Variants in STEAP4 observed in about 807,000 individuals in gnomAD.
STEAP4 encodes metalloreductase STEAP4.
In STEAP4, 36 loss-of-function variants were observed where a neutral mutation model predicts 43.6. The observed-to-expected ratio is 0.83, with a 90% CI of 0.63 to 1.09. The LOEUF is 1.09. Ranked by LOEUF, STEAP4 falls within the 50% of genes least tolerant of loss-of-function variation. STEAP4 has a pLI of 0.00. For missense variants in STEAP4, 495 were observed against 546.5 expected, an observed-to-expected ratio of 0.91 and a Z score of 0.94; for synonymous variants, 191 against 196.7, an observed-to-expected ratio of 0.97 and a Z score of 0.24.
chr7:88,279,352 A>G lies in STEAP4; in HGVS notation c.*46T>C, dbSNP rs1336051960. 3.8e-6 allele frequency: 6 copies of G among 1,566,442 alleles called. No individual in the cohort carries two copies. Among genetic ancestry groups the G allele is most frequent in the Non-Finnish European group, 5.3e-6 (6 of 1,139,162 alleles). ...AAAACCATAGTTCAGAAATCCAGCT[A>G]AATTGAACTTTGTTTTAAATATTGA... On this transcript the variant is annotated 3_prime_UTR_variant, in exon 5 of 5. Transcript: ENST00000380079.
At chr7:88,285,817 A>G (rs1354791626) in intron 1 of STEAP4, among the ~76,000 whole-genome samples, 2 of 151,874 alleles carry the variant, frequency 1.3e-5, no homozygotes, top group Admixed American at 6.6e-5. Context: ...AATTTTAATG[A>G]ATAAGTTTTA....
Position 88,279,219 on chromosome 7 carries a change from C to T in STEAP4, c.*179G>A. 1 of 609,808 alleles carries T rather than the reference C, an allele frequency of 1.6e-6. No homozygotes were observed. The highest frequency in any genetic ancestry group is 2.0e-5 in the South Asian group (1 of 50,316). The allele number at this position is 609,808 out of a possible 1,614,324, so 37.8% of individuals were successfully genotyped here. ...CACTAACCTGAGATAAAATGGTGTT[C>T]TCTTCCAGTATGTCAGTCAATTTCT... On this transcript the variant is annotated 3_prime_UTR_variant, in exon 5 of 5. Coordinates refer to ENST00000380079, the MANE Select transcript of STEAP4 (RefSeq NM_024636.4).
At chr7:88,284,839 T>G (rs1028604336) in intron 1 of STEAP4, among the ~76,000 whole-genome samples, 4 of 152,190 alleles carry the variant, frequency 2.6e-5, no homozygotes, top group African/African-American at 9.6e-5. Context: ...ATTCAACATT[T>G]ATTCTTGATT....
chr7:88,297,841 A>G (rs1009684277), intron 1 of STEAP4, among the ~76,000 whole-genome samples: 1 of 152,184 alleles, frequency 6.6e-6, no homozygotes, highest in African/African-American at 2.4e-5. Context: ...AGTTGAAAAC[A>G]TTGTGACAGA....
At position 88,278,536 on chromosome 7, in the gene STEAP4, C is replaced by T. The variant is rs1727108423; in HGVS notation, c.*862G>A. 1 of 152,072 alleles carries T rather than the reference C, an allele frequency of 6.6e-6. No individual in the cohort carries two copies. Among genetic ancestry groups the T allele is most frequent in the Non-Finnish European group, 1.5e-5 (1 of 68,016 alleles). The allele number at this position is 152,072 out of a possible 1,614,324, so 9.4% of individuals were successfully genotyped here. On this transcript the variant is annotated 3_prime_UTR_variant, in exon 5 of 5. Transcript: ENST00000380079. ...ATTATAATACCTAAATAATACTTAA[C>T]CTAATATAGTGCAATTTTACAATAT...
chr7:88,294,156 G>A (rs1332223715), intron 1 of STEAP4, among the ~76,000 whole-genome samples: 2 of 151,948 alleles, frequency 1.3e-5, no homozygotes, highest in Admixed American at 1.3e-4. Flanking sequence ...AATCAGAAAT[G>A]CTCTAAAATC....
intron 2 of STEAP4, 98 bp downstream of exon 2, chr7:88,283,716 G>A: frequency 7.9e-7 from 1 of 1,259,842 alleles, no homozygotes; most frequent in Non-Finnish European, 1.1e-6. Context: ...ATATTTAGTG[G>A]GCATTTCATC....
In STEAP4 at chr7:88,276,039, GA is replaced by G. The variant is rs1852508766; in HGVS notation, c.*3358del. The G allele has an allele frequency of 6.6e-6, 1 of 152,176 alleles. No homozygotes were observed. Among genetic ancestry groups the G allele is most frequent in the African/African-American group, 2.4e-5 (1 of 41,442 alleles). 9.4% of individuals were successfully genotyped at this position (152,176 alleles called of 1,614,324 possible). ...CAGTCACGCAGTCTGAATCCAACCT[GA>G]AGTCTGCTTGTCAAGCCATTAGCCT... On this transcript the variant is annotated 3_prime_UTR_variant, in exon 5 of 5. Coordinates refer to ENST00000380079, the MANE Select transcript of STEAP4 (RefSeq NM_024636.4).
chr7:88,300,072 C>A (rs1222075043), intron 1 of STEAP4, among the ~76,000 whole-genome samples: 1 of 152,226 alleles, frequency 6.6e-6, no homozygotes, highest in Non-Finnish European at 1.5e-5. Context: ...TGCTCCATTT[C>A]TGACCTCAGG....
chr7:88,283,849 C>T lies in STEAP4; in HGVS notation c.421G>A (p.Ala141Thr). ...GCATCCAGTGCTCCTGACTGGAGAG[C>T]CCAGGCTGAGATGGTGTTAAATGCT... Reference protein sequence around the residue: ...VKAFNTISAWALQSGALDASR... With the variant: ...VKAFNTISAWTLQSGALDASR... Residue 141 changes from alanine to threonine, a missense_variant, in exon 2 of 5, where the codon GCT (alanine) becomes ACT (threonine). By Grantham distance (58) the Ala-to-Thr change is moderately conservative (BLOSUM62 0). Transcript: ENST00000380079. 7 of 1,614,082 alleles carry T rather than the reference C, an allele frequency of 4.3e-6. No homozygotes were observed. Among genetic ancestry groups the T allele is most frequent in the South Asian group, 1.1e-5 (1 of 91,084 alleles).
Position 88,278,827 on chromosome 7 carries a change from G to C in STEAP4, c.*571C>G, listed in dbSNP as rs897313143. Reference sequence around the variant, plus strand: ...AAATAGTTCCTCTCAGTAAATATCTGTATTAAGAAAAGCAAAGTCAAGGGG... The same window carrying C: ...AAATAGTTCCTCTCAGTAAATATCTCTATTAAGAAAAGCAAAGTCAAGGGG... On this transcript the variant is annotated 3_prime_UTR_variant, in exon 5 of 5. Coordinates refer to ENST00000380079, the MANE Select transcript of STEAP4 (RefSeq NM_024636.4). 5 of 155,054 alleles carry C rather than the reference G, an allele frequency of 3.2e-5. No individual in the cohort carries two copies. The highest frequency in any genetic ancestry group is 1.2e-4 in the African/African-American group (5 of 41,422). The allele number at this position is 155,054 out of a possible 1,614,324, so 9.6% of individuals were successfully genotyped here.
chr7:88,290,029 C>G (rs185546199), intron 1 of STEAP4, among the ~76,000 whole-genome samples: 6 of 152,208 alleles, frequency 3.9e-5, no homozygotes, highest in Non-Finnish European at 8.8e-5. Flanking sequence ...TTATTTTATC[C>G]TAATATTTTT....
At chr7:88,289,803 T>C (rs1306645824) in intron 1 of STEAP4, among the ~76,000 whole-genome samples, 1 of 152,228 alleles carries the variant, frequency 6.6e-6, no homozygotes, top group Non-Finnish European at 1.5e-5. Context: ...GAACTTTGTA[T>C]AAAAGTGCAG....
intron 1 of STEAP4, among the ~76,000 whole-genome samples, chr7:88,305,811 C>T (rs1184192045): frequency 6.6e-6 from 1 of 152,178 alleles, no homozygotes; most frequent in Non-Finnish European, 1.5e-5. Context: ...GATCATCTGG[C>T]CCAGTAGCCA....
chr7:88,273,561 A>G lies in STEAP4; in HGVS notation c.*5837T>C, dbSNP rs1032047622. ...TCTTCAACTAGTATTAAAGTACTAA[A>G]TGAGAAGTGTTATGAAATTTCTTGC... On this transcript the variant is annotated 3_prime_UTR_variant, in exon 5 of 5. Transcript: ENST00000380079. 6.6e-6 allele frequency: 1 copy of G among 152,112 alleles called. No individual in the cohort carries two copies. Among genetic ancestry groups the G allele is most frequent in the Admixed American group, 6.6e-5 (1 of 15,254 alleles). The allele number at this position is 152,112 out of a possible 1,614,324, so 9.4% of individuals were successfully genotyped here.
chr7:88,289,740 G>A (rs1486239997), intron 1 of STEAP4, among the ~76,000 whole-genome samples: 2 of 152,134 alleles, frequency 1.3e-5, no homozygotes, highest in East Asian at 3.9e-4. Flanking sequence ...ATCCTGAATG[G>A]GTGTCATCAA....
intron 1 of STEAP4, among the ~76,000 whole-genome samples, chr7:88,287,878 C>T (rs1165067729): frequency 2.6e-5 from 4 of 152,156 alleles, no homozygotes; most frequent in Non-Finnish European, 5.9e-5. Context: ...AGAAGTGGGT[C>T]TTTTTGGGAA....
At position 88,282,841 on chromosome 7, in the gene STEAP4, C is replaced by G; in HGVS notation, c.784G>C (p.Gly262Arg). The G allele has an allele frequency of 6.2e-7, 1 of 1,614,126 alleles. No homozygotes were observed. The highest frequency in any genetic ancestry group is 8.5e-7 in the Non-Finnish European group (1 of 1,180,036). The change falls in exon 3 of 5, where the codon GGT (glycine) becomes CGT (arginine). Residue 262 changes from glycine to arginine, a missense_variant. By Grantham distance (125) the Gly-to-Arg change is moderately radical. Coordinates refer to ENST00000380079, the MANE Select transcript of STEAP4 (RefSeq NM_024636.4). ...LTLLALVYLP[G>R]VIAAILQLYR... ...AGTTGTAGAATGGCAGCAATAACAC[C>G]AGGGAGGTAAACCAAAGCAAGCAGT...
At chr7:88,293,222 T>C (rs1852867512) in intron 1 of STEAP4, among the ~76,000 whole-genome samples, 1 of 152,234 alleles carries the variant, frequency 6.6e-6, no homozygotes, top group Non-Finnish European at 1.5e-5. Context: ...GTTGCATATC[T>C]CTTAATGTGT....
Sources: allele counts gnomAD v4.1 joint callset (sites outside exome capture counted in the v4.1 genomes callset), GRCh38; gene constraint gnomAD v4.1.1; transcripts MANE v1.5; gene names NCBI Gene and HGNC (gene_info 2026-07-23, HGNC 2026-07-21).